Variants in PRELID2 observed in about 807,000 individuals in gnomAD.
PRELID2 encodes PRELI domain containing 2.
PRELID2 carries 25 observed loss-of-function variants against 28.4 expected under a neutral mutation model. That is an observed-to-expected ratio of 0.88 (90% CI 0.64 to 1.23). PRELID2 has a LOEUF of 1.23. Among genes scored for constraint, PRELID2 ranks in the 50% most tolerant of loss-of-function variants. The pLI, the probability that PRELID2 is intolerant of heterozygous loss-of-function variation, is 0.00. For missense variants in PRELID2, 201 were observed against 214.4 expected, an observed-to-expected ratio of 0.94 and a Z score of 0.39; for synonymous variants, 76 against 71.6, an observed-to-expected ratio of 1.06 and a Z score of -0.31.
At chr5:145,783,471 A>G (rs981032736) in intron 5 of PRELID2, among the ~76,000 whole-genome samples, 3 of 152,230 alleles carry the variant, frequency 2.0e-5, no homozygotes, top group Non-Finnish European at 4.4e-5. Context: ...ATGTGTAAGA[A>G]TACAGCAGCT....
At chr5:145,453,180 A>G in the PRELID2 span, among the ~76,000 whole-genome samples, 2 of 152,178 alleles carry the variant, frequency 1.3e-5, no homozygotes, top group Non-Finnish European at 2.9e-5. Flanking sequence ...GAAAGAGAGA[A>G]CCTCAATATC....
intron 1 of PRELID2, among the ~76,000 whole-genome samples, chr5:145,564,955 G>C (rs983570440): frequency 1.3e-5 from 2 of 152,266 alleles, no homozygotes; most frequent in African/African-American, 4.8e-5. Context: ...ACCCCACCCT[G>C]CTTCGGCTCA....
In PRELID2 at chr5:145,611,504, C is replaced by G. The variant is rs567546077; in HGVS notation, n.71-138189G>C. 5.9e-5 allele frequency among the ~76,000 whole-genome samples: 9 copies of G among 152,186 alleles called. No individual in the cohort carries two copies. The South Asian group carries it at 1.9e-3, about 32-fold the overall frequency. On this transcript the variant is annotated intron_variant and non_coding_transcript_variant, in intron 1 of 2. Transcript: ENST00000510259. ...TACTTGCAATACCATAACCCAGCAA[C>G]TAATAGAAAATTAAAAATTCTTCTA...
chr5:145,610,826 C>CA (rs1349500827), intron 1 of PRELID2, among the ~76,000 whole-genome samples: 1 of 151,940 alleles, frequency 6.6e-6, no homozygotes, highest in Non-Finnish European at 1.5e-5. Flanking sequence ...TACAAAAATA[C>CA]AGAGAAAATA....
the PRELID2 span, among the ~76,000 whole-genome samples, chr5:145,317,857 GA>G: frequency 6.6e-6 from 1 of 152,126 alleles, no homozygotes; most frequent in Non-Finnish European, 1.5e-5. Flanking sequence ...ACTGTTTGAT[GA>G]GATTTCTGTG....
At chr5:145,476,837 C>T (rs538846921) in intron 1 of PRELID2, among the ~76,000 whole-genome samples, 2 of 152,134 alleles carry the variant, frequency 1.3e-5, no homozygotes, top group South Asian at 4.2e-4. Context: ...ATGAGAAAAA[C>T]AATCAGGAAA....
At chr5:145,508,362 C>T (rs899993633) in intron 1 of PRELID2, among the ~76,000 whole-genome samples, 2 of 151,928 alleles carry the variant, frequency 1.3e-5, no homozygotes, top group African/African-American at 4.8e-5. Context: ...TTGAAATAAA[C>T]AGACATATAG....
At chr5:145,605,530 A>G (rs927787996) in intron 1 of PRELID2, among the ~76,000 whole-genome samples, 6 of 152,062 alleles carry the variant, frequency 3.9e-5, no homozygotes, top group African/African-American at 1.4e-4. Context: ...CTATTGGTCT[A>G]TGTGTCTGTT....
At chr5:145,600,434 A>ATATATAT (rs1554078383) in intron 1 of PRELID2, among the ~76,000 whole-genome samples, 21 of 120,098 alleles carry the variant, frequency 1.7e-4, no homozygotes, top group African/African-American at 7.3e-4. Flanking sequence ...AAAAAAAAAA[A>ATATATAT]ATATATATAT....
the PRELID2 span, among the ~76,000 whole-genome samples, chr5:145,439,562 T>C: frequency 6.6e-6 from 1 of 152,032 alleles, no homozygotes; most frequent in Non-Finnish European, 1.5e-5. Flanking sequence ...CCAAATCCAT[T>C]GTCTCAGACT....
At chr5:145,691,736 G>A (rs1310397869) in intron 1 of PRELID2, among the ~76,000 whole-genome samples, 1 of 151,860 alleles carries the variant, frequency 6.6e-6, no homozygotes, top group African/African-American at 2.4e-5. Context: ...AATTACCTAA[G>A]ACTCCTGGGT....
At chr5:145,747,607 G>C (rs1757025040) in intron 1 of PRELID2, among the ~76,000 whole-genome samples, 2 of 152,234 alleles carry the variant, frequency 1.3e-5, no homozygotes, top group East Asian at 3.9e-4. Flanking sequence ...ACAAAGAGGA[G>C]CTGGTACCAT....
chr5:145,537,745 G>GT (rs1366634378), intron 1 of PRELID2, among the ~76,000 whole-genome samples: 2 of 151,704 alleles, frequency 1.3e-5, no homozygotes, highest in Non-Finnish European at 2.9e-5. Context: ...TCAACCCCTA[G>GT]TTAGATGTAT....
chr5:145,796,556 A>G lies in PRELID2; in HGVS notation c.369-9T>C. 1 of 1,550,610 alleles carries G rather than the reference A, an allele frequency of 6.4e-7. No individual in the cohort carries two copies. The highest frequency in any genetic ancestry group is 8.8e-7 in the Non-Finnish European group (1 of 1,135,072). On this transcript the variant is annotated splice_polypyrimidine_tract_variant and intron_variant, in intron 4 of 6. Transcript: ENST00000683046. ...TTTGAATGAACTCTGTCCTGCAAAA[A>G]AAACAAAAAACACATCTTTGATGTC...
chr5:145,248,233 A>G, the PRELID2 span, among the ~76,000 whole-genome samples: 2 of 151,972 alleles, frequency 1.3e-5, no homozygotes, highest in African/African-American at 4.8e-5. Context: ...ACCCTCGTAT[A>G]TGTATGGGGG....
intron 1 of PRELID2, among the ~76,000 whole-genome samples, chr5:145,828,022 T>C (rs1169152825): frequency 6.6e-6 from 1 of 152,212 alleles, no homozygotes; most frequent in Non-Finnish European, 1.5e-5. Flanking sequence ...AATATTGTTT[T>C]TGAAATGTTT....
chr5:145,789,913 A>T (rs1475419644), intron 5 of PRELID2, among the ~76,000 whole-genome samples: 1 of 152,218 alleles, frequency 6.6e-6, no homozygotes, highest in Admixed American at 6.5e-5. Context: ...AGCACCAATC[A>T]TTAGAGAAAT....
chr5:145,597,483 G>T (rs957957722), intron 1 of PRELID2, among the ~76,000 whole-genome samples: 1 of 152,046 alleles, frequency 6.6e-6, no homozygotes. Flanking sequence ...AATTAGTTCA[G>T]AACAATTTAA....
rs761201748 is a variant in PRELID2, at chr5:145,526,685, T to C, written n.71-53370A>G. The stretch of plus-strand genomic sequence containing the variant: ...GATCATGGGAGACATGTCAGGCTAA[T>C]AACAATACCAATGATAAAAACAGCA... On this transcript the variant is annotated intron_variant and non_coding_transcript_variant, in intron 1 of 2. Coordinates refer to the PRELID2 transcript ENST00000510259. Among the ~76,000 whole-genome samples the C allele has an allele frequency of 7.2e-5, 11 of 152,262 alleles. No individual in the cohort carries two copies. In the South Asian group the frequency reaches 8.3e-4, roughly 11 times the overall value.
Sources: gnomAD v4.1 joint callset for allele counts (sites outside exome capture counted in the v4.1 genomes callset) on GRCh38, gnomAD v4.1.1 for gene constraint, MANE v1.5 for transcripts, NCBI Gene and HGNC (gene_info 2026-07-23, HGNC 2026-07-21) for gene names.